Variants in BRCA1 observed in about 807,000 individuals in gnomAD.
BRCA1 encodes BRCA1 DNA repair associated.
BRCA1 carries 140 observed loss-of-function variants against 173.7 expected under a neutral mutation model. The observed-to-expected ratio is 0.81, with a 90% CI of 0.70 to 0.93. The LOEUF (loss-of-function observed/expected upper bound fraction) is 0.93. Among genes scored for constraint, BRCA1 ranks in the 40% least tolerant of loss-of-function variants. The probability of loss-of-function intolerance (pLI) is 0.00; values close to 1 mark genes in which losing one functional copy is unlikely to be tolerated. For missense variants in BRCA1, 1,983 were observed against 2,172.5 expected (o/e 0.91, Z 1.73); for synonymous variants, 662 against 756.0 (o/e 0.88, Z 2.04).
rs1060502337 is a variant in BRCA1 at position 43,104,970 on chromosome 17, G to C, written c.213-14C>G. On this transcript the variant is annotated splice_polypyrimidine_tract_variant and intron_variant, in intron 4 of 22. Transcript: ENST00000357654. ...TCTTGTAGGCTCCTGAAATTAAATT[G>C]TTTGAGAAACACACTCAGCAAGTGA... 1 of 1,603,288 alleles carries C rather than the reference G, an allele frequency of 6.2e-7. No individual in the cohort carries two copies. Among genetic ancestry groups the C allele is most frequent in the Non-Finnish European group, 8.5e-7 (1 of 1,170,772 alleles).
intron 16 of BRCA1, chr17:43,067,379 C>T (rs529147885): frequency 6.9e-5 from 28 of 406,198 alleles, no homozygotes; most frequent in East Asian, 3.8e-4. Context: ...CTCAGCCTCA[C>T]GAGTAGCTGG....
intron 15 of BRCA1, among the ~76,000 whole-genome samples, chr17:43,070,575 G>GT (rs1179856841): frequency 6.6e-6 from 1 of 152,188 alleles, no homozygotes; most frequent in Admixed American, 6.5e-5. Context: ...ATTCACCCAT[G>GT]TGAGACAAGG....
intron 11 of BRCA1, among the ~76,000 whole-genome samples, chr17:43,084,100 G>C (rs2053136013): frequency 6.6e-6 from 1 of 151,006 alleles, no homozygotes; most frequent in African/African-American, 2.4e-5. Flanking sequence ...GCGCAATCTT[G>C]GTTCACTGCA....
upstream of BRCA1, among the ~76,000 whole-genome samples, chr17:43,128,065 G>A (rs1406741867): frequency 1.3e-5 from 2 of 148,176 alleles, no homozygotes; most frequent in Non-Finnish European, 3.0e-5. Context: ...GGCTGCCTGA[G>A]CCAGCAGCAG....
intron 12 of BRCA1, among the ~76,000 whole-genome samples, chr17:43,081,825 A>T (rs552049686): frequency 1.3e-5 from 2 of 152,128 alleles, no homozygotes; most frequent in East Asian, 3.9e-4. Context: ...GTCCATCTGG[A>T]TTTTTTTTGA....
intron 13 of BRCA1, among the ~76,000 whole-genome samples, chr17:43,076,205 C>T (rs866679865): frequency 2.2e-4 from 33 of 151,996 alleles, no homozygotes; most frequent in Middle Eastern, 3.4e-3. Flanking sequence ...AGAAGTCTAC[C>T]ATCAGTTTCC....
At chr17:43,155,483 G>C (rs1460604906) in intron 1 of BRCA1, among the ~76,000 whole-genome samples, 2 of 152,002 alleles carry the variant, frequency 1.3e-5, no homozygotes. Context: ...TTCCTGCTTT[G>C]GCTTCCCAAA....
intron 2 of BRCA1, among the ~76,000 whole-genome samples, chr17:43,118,694 C>T (rs1444745219): frequency 1.3e-5 from 2 of 152,062 alleles, no homozygotes; most frequent in East Asian, 3.9e-4. Context: ...GCTTCGGCTT[C>T]CCAAAGTGCT....
chr17:43,115,831 T>A (rs2154566014), intron 2 of BRCA1, 52 bp from the exon 3 acceptor site: 1 of 1,545,326 alleles, frequency 6.5e-7, no homozygotes, highest in South Asian at 1.2e-5. Flanking sequence ...CAATAATTTA[T>A]TTAAAAATAA....
intron 3 of BRCA1, among the ~76,000 whole-genome samples, chr17:43,114,604 G>T (rs1039033983): frequency 2.6e-5 from 4 of 152,020 alleles, no homozygotes; most frequent in African/African-American, 4.8e-5. Context: ...TTCCTCAAAG[G>T]ATACATAAGA....
At chr17:43,109,116 C>T (rs1467349472) in intron 3 of BRCA1, among the ~76,000 whole-genome samples, 1 of 152,138 alleles carries the variant, frequency 6.6e-6, no homozygotes, top group African/African-American at 2.4e-5. Flanking sequence ...GCTTCAGCCT[C>T]CCAAAGTGCT....
chr17:43,093,597 G>T lies in BRCA1; in HGVS notation c.1934C>A (p.Ser645Tyr), dbSNP rs80357129. The T allele has an allele frequency of 1.9e-6, 3 of 1,613,968 alleles. No individual in the cohort carries two copies. The highest frequency in any genetic ancestry group is 2.5e-6 in the Non-Finnish European group (3 of 1,179,990). ...TTTTTTCTTTATCTCTTCACTGCTAGAACAACTATCAATTTGCAATTCAGT... is the reference window on the plus strand; with the variant it reads ...TTTTTTCTTTATCTCTTCACTGCTATAACAACTATCAATTTGCAATTCAGT... ...NCTELQIDSCSSSEEIKKKKY... is the reference protein window; with the variant it reads ...NCTELQIDSCYSSEEIKKKKY... Residue 645 changes from serine (S) to tyrosine (Y), a missense_variant, in exon 10 of 23, where the codon TCT becomes TAT. Coordinates refer to ENST00000357654, the MANE Select transcript of BRCA1 (RefSeq NM_007294.4).
At chr17:43,117,805 G>C (rs745659312) in intron 2 of BRCA1, among the ~76,000 whole-genome samples, 2 of 152,022 alleles carry the variant, frequency 1.3e-5, no homozygotes, top group Non-Finnish European at 2.9e-5. Flanking sequence ...ATCCCTACCT[G>C]TCTATCCACA....
intron 16 of BRCA1, among the ~76,000 whole-genome samples, chr17:43,064,437 A>G (rs1317765065): frequency 1.3e-5 from 2 of 152,198 alleles, no homozygotes; most frequent in East Asian, 3.8e-4. Context: ...CTAACCCTCT[A>G]ATATTCCCCT....
Position 43,120,222 on chromosome 17 carries a change from T to C in BRCA1, c.80+3795A>G, listed in dbSNP as rs150411410. 1.1e-4 allele frequency among the ~76,000 whole-genome samples: 16 copies of C among 152,350 alleles called. No individual in the cohort carries two copies. In the East Asian group the frequency reaches 2.1e-3, roughly 20 times the overall value. ...TAAAAAGTTACAAAGAACTACCAAT[T>C]GTCAGAAATAGCTGCCAATATTGAC... On this transcript the variant is annotated intron_variant, in intron 2 of 22. Coordinates refer to ENST00000357654, the MANE Select transcript of BRCA1 (RefSeq NM_007294.4).
chr17:43,155,925 A>C (rs977472329), intron 1 of BRCA1, among the ~76,000 whole-genome samples: 1 of 152,158 alleles, frequency 6.6e-6, no homozygotes, highest in Non-Finnish European at 1.5e-5. Context: ...CTTTTCATTA[A>C]ATATTTAACT....
chr17:43,062,139 G>A (rs2153522856), intron 18 of BRCA1, among the ~76,000 whole-genome samples: 1 of 151,782 alleles, frequency 6.6e-6, no homozygotes, highest in South Asian at 2.1e-4. Flanking sequence ...CTGTGCAAGT[G>A]CAAGAGTGCA....
At chr17:43,087,648 G>C (rs2053277953) in intron 11 of BRCA1, among the ~76,000 whole-genome samples, 1 of 144,960 alleles carries the variant, frequency 6.9e-6, no homozygotes, top group Non-Finnish European at 1.5e-5. Flanking sequence ...GGCAACAAGA[G>C]TGAAACTCCA....
At chr17:43,096,790 TAG>T (rs1351828787) in intron 8 of BRCA1, among the ~76,000 whole-genome samples, 2 of 152,214 alleles carry the variant, frequency 1.3e-5, no homozygotes, top group Non-Finnish European at 2.9e-5. Context: ...ATGAGGAACT[TAG>T]AGAACAATCT....
Sources: allele counts gnomAD v4.1 joint callset (sites outside exome capture counted in the v4.1 genomes callset), GRCh38; gene constraint gnomAD v4.1.1; transcripts MANE v1.5; gene names NCBI Gene and HGNC (gene_info 2026-07-23, HGNC 2026-07-21).